ACRV1: variants seen among roughly 807,000 people sequenced by gnomAD.
The protein encoded by ACRV1 is acrosomal protein SP-10.
Under a neutral mutation model 29.2 loss-of-function variants are expected in ACRV1, and 17 were observed. The ratio of observed to expected loss-of-function variants is 0.58; its 90% confidence interval spans 0.40 to 0.87. ACRV1 has a LOEUF of 0.87. Ranked by LOEUF, ACRV1 falls within the 40% of genes least tolerant of loss-of-function variation. ACRV1 has a pLI of 0.00. For missense variants in ACRV1, 294 were observed against 316.0 expected (o/e 0.93, Z 0.53); for synonymous variants, 98 against 111.6 (o/e 0.88, Z 0.77).
At chr11:125,678,996 A>ATATATATATATATATATATATATATATG (rs917003699) in intron 1 of ACRV1, among the ~76,000 whole-genome samples, 1 of 143,062 alleles carries the variant, frequency 7.0e-6, no homozygotes, top group African/African-American at 2.6e-5. Context: ...ATATATATAT[A>ATATATATATATATATATATATATATATG]TAGACACACA....
rs760086007 is a variant in ACRV1, at chr11:125,672,709, G to T, written c.682C>A (p.Leu228Ile). Reference sequence around the variant, plus strand: ...TCACACCCTTGAACCATGAATTGGAGTTTTCCACCTGAAAGGAGCAGAGAC... The same window carrying T: ...TCACACCCTTGAACCATGAATTGGATTTTTCCACCTGAAAGGAGCAGAGAC... ...MLKKIFEGGKLQFMVQGCENM... is the reference protein window; with the variant it reads ...MLKKIFEGGKIQFMVQGCENM... Residue 228 changes from leucine (L) to isoleucine (I), a missense_variant, in exon 4 of 4, where the codon CTC becomes ATC. Physicochemically the swap from Leu to Ile is conservative, Grantham distance 5. Coordinates refer to ENST00000533904, the MANE Select transcript of ACRV1 (RefSeq NM_001612.6). The T allele has an allele frequency of 5.0e-6, 8 of 1,613,966 alleles. No homozygotes were observed. The African/African-American group carries it at 1.1e-4, about 22-fold the overall frequency.
chr11:125,678,263 G>A lies in ACRV1; in HGVS notation c.87C>T (p.Ser29=). The change falls in exon 2 of 4, where the codon TCC becomes TCT. Residue 29 remains serine (S), a synonymous_variant. Transcript: ENST00000533904. The part of the protein sequence containing the change: ...TSSQPNELSG[S]IDHQTSVQQL... ...GCTGAACTGAAGTTTGATGATCTAT[G>A]GAGCCAGAAAGCTCATTAGGCTGAC... is the stretch of plus-strand genomic sequence containing the variant. 1 of 1,614,124 alleles carries A rather than the reference G, an allele frequency of 6.2e-7. No homozygotes were observed. The highest frequency in any genetic ancestry group is 8.5e-7 in the Non-Finnish European group (1 of 1,180,000).
intron 3 of ACRV1, among the ~76,000 whole-genome samples, chr11:125,674,279 T>C (rs1942373892): frequency 6.6e-6 from 1 of 152,230 alleles, no homozygotes; most frequent in Non-Finnish European, 1.5e-5. Context: ...CCATGTTATA[T>C]GCTATGCTGG....
Position 125,678,182 on chromosome 11 carries a change from A to G in ACRV1, c.168T>C (p.Tyr56=), listed in dbSNP as rs1942618960. The G allele has an allele frequency of 8.1e-6, 13 of 1,614,198 alleles. No individual in the cohort carries two copies. The highest frequency in any genetic ancestry group is 1.0e-5 in the Non-Finnish European group (12 of 1,180,038). ...AAGTGTTCAGGCCTGAAGAAGTCTCATATAAAGCCTCAGCATCAGAAGGGT... is the reference window on the plus strand; with the variant it reads ...AAGTGTTCAGGCCTGAAGAAGTCTCGTATAAAGCCTCAGCATCAGAAGGGT... The part of the protein sequence containing the change: ...LENPSDAEAL[Y]ETSSGLNTLS... Residue 56 remains tyrosine (Y), a synonymous_variant, in exon 2 of 4, where the codon TAT becomes TAC. Coordinates refer to ENST00000533904, the MANE Select transcript of ACRV1 (RefSeq NM_001612.6).
chr11:125,678,339 A>G (rs760949412), intron 1 of ACRV1, 42 bp from the exon 2 acceptor site: 14 of 1,594,876 alleles, frequency 8.8e-6, no homozygotes, highest in Non-Finnish European at 1.0e-5. Flanking sequence ...TGAAGCTGAC[A>G]GAATGGGATA....
chr11:125,676,487 T>A lies in ACRV1; in HGVS notation c.554-9A>T, dbSNP rs766314407. ...GCAATTTAATATTGTGCCTGAAAAT[T>A]TAAGATAAGCCTGATGACATTTCCT... On this transcript the variant is annotated splice_polypyrimidine_tract_variant and intron_variant, in intron 2 of 3. Transcript: ENST00000533904. 1 of 1,614,116 alleles carries A rather than the reference T, an allele frequency of 6.2e-7. No individual in the cohort carries two copies. The highest frequency in any genetic ancestry group is 1.7e-5 in the Admixed American group (1 of 60,014).
chr11:125,673,212 CT>C (rs11434532), intron 3 of ACRV1, among the ~76,000 whole-genome samples: 5 of 126,860 alleles, frequency 3.9e-5, no homozygotes, highest in African/African-American at 1.2e-4. Flanking sequence ...CTTTTCTTTT[CT>C]TTTTTTTTTT....
intron 2 of ACRV1, among the ~76,000 whole-genome samples, chr11:125,677,353 T>G (rs1942559862): frequency 6.6e-6 from 1 of 152,194 alleles, no homozygotes; most frequent in Non-Finnish European, 1.5e-5. Flanking sequence ...ACATTCCATG[T>G]TCAAACAAAA....
At chr11:125,674,520 G>A (rs1591435787) in intron 3 of ACRV1, among the ~76,000 whole-genome samples, 1 of 152,330 alleles carries the variant, frequency 6.6e-6, no homozygotes, top group Admixed American at 6.5e-5. Context: ...AAACAGGGAT[G>A]CAGAATGAGT....
At chr11:125,674,588 T>A (rs1401722685) in intron 3 of ACRV1, among the ~76,000 whole-genome samples, 1 of 152,206 alleles carries the variant, frequency 6.6e-6, no homozygotes, top group South Asian at 2.1e-4. Flanking sequence ...TATTACCTTT[T>A]ACTGAAATAT....
At position 125,672,496 on chromosome 11, in the gene ACRV1, A is replaced by T; in HGVS notation, c.*97T>A. On this transcript the variant is annotated 3_prime_UTR_variant, in exon 4 of 4. Coordinates refer to ENST00000533904, the MANE Select transcript of ACRV1 (RefSeq NM_001612.6). The stretch of plus-strand genomic sequence containing the variant: ...TGCTCAGGCAGAGGCAGATGTGGTC[A>T]GTTGTTGACTGGGGAAGGAACTAAA... The T allele has an allele frequency of 1.4e-6, 2 of 1,423,452 alleles. No homozygotes were observed. Among genetic ancestry groups the T allele is most frequent in the East Asian group, 2.3e-5 (1 of 43,810 alleles). 88.2% of individuals were successfully genotyped at this position (1,423,452 alleles called of 1,614,324 possible).
At chr11:125,680,682 A>C in intron 1 of ACRV1, 47 bp downstream of exon 1, 1 of 1,559,070 alleles carries the variant, frequency 6.4e-7, no homozygotes, top group Non-Finnish European at 8.8e-7. Context: ...AAATGTCTTA[A>C]GGGAGACCCC....
intron 3 of ACRV1, among the ~76,000 whole-genome samples, chr11:125,674,651 G>A (rs1942395917): frequency 6.6e-6 from 1 of 152,138 alleles, no homozygotes; most frequent in Non-Finnish European, 1.5e-5. Context: ...TGCTTCTAAG[G>A]TAATCTTCCT....
In ACRV1 at chr11:125,672,585, C is replaced by G; in HGVS notation, c.*8G>C. ...TGCCTGAGTCAAAACAAGCAAGGGC[C>G]CAGGCTTCTAGATCTTATTGCAGAA... On this transcript the variant is annotated 3_prime_UTR_variant, in exon 4 of 4. Transcript: ENST00000533904. 2 of 1,613,608 alleles carry G rather than the reference C, an allele frequency of 1.2e-6. No individual in the cohort carries two copies. Among genetic ancestry groups the G allele is most frequent in the Non-Finnish European group, 1.7e-6 (2 of 1,179,902 alleles).
intron 3 of ACRV1, among the ~76,000 whole-genome samples, chr11:125,675,315 C>T (rs994999549): frequency 1.3e-5 from 2 of 152,184 alleles, no homozygotes; most frequent in African/African-American, 4.8e-5. Context: ...ATGTGCCTTT[C>T]TTAAGACACA....
chr11:125,674,743 G>T (rs754131267), intron 3 of ACRV1, among the ~76,000 whole-genome samples: 4 of 152,280 alleles, frequency 2.6e-5, no homozygotes, highest in Admixed American at 6.5e-5. Flanking sequence ...CTCCTACTTT[G>T]TGAGGATTAA....
chr11:125,678,651 C>T (rs1016975284), intron 1 of ACRV1, among the ~76,000 whole-genome samples: 9 of 151,982 alleles, frequency 5.9e-5, no homozygotes, highest in African/African-American at 1.9e-4. Flanking sequence ...GTCAGGATAC[C>T]ATCCCTGATA....
In ACRV1 at chr11:125,676,414, C is replaced by T. The variant is rs771165917; in HGVS notation, c.618G>A (p.Glu206=). Residue 206 remains glutamate, a synonymous_variant, in exon 3 of 4, where the codon GAG becomes GAA. Coordinates refer to ENST00000533904, the MANE Select transcript of ACRV1 (RefSeq NM_001612.6). The part of the protein sequence containing the change: ...MNDQGKCLRG[E]GTCITQNSQQ... ...GGGAATTCTGAGTGATGCAGGTTCC[C>T]TCTCCACGAAGACATTTTCCTTGAT... 4 of 1,614,090 alleles carry T rather than the reference C, an allele frequency of 2.5e-6. No individual in the cohort carries two copies. The South Asian group carries it at 4.4e-5, about 18-fold the overall frequency.
chr11:125,677,758 C>G (rs1340489016), intron 2 of ACRV1, 39 bp downstream of exon 2: 2 of 1,606,338 alleles, frequency 1.2e-6, no homozygotes, highest in East Asian at 4.5e-5. Context: ...CATTTCCCAC[C>G]TGAAGTCAAT....
Sources: gnomAD v4.1 joint callset for allele counts (sites outside exome capture counted in the v4.1 genomes callset) on GRCh38, gnomAD v4.1.1 for gene constraint, MANE v1.5 for transcripts, NCBI Gene and HGNC (gene_info 2026-07-23, HGNC 2026-07-21) for gene names.